EYS: variants seen among roughly 807,000 people sequenced by gnomAD.
EYS encodes the protein protein eyes shut homolog.
Under a neutral mutation model 282.1 loss-of-function variants are expected in EYS, and 250 were observed. The ratio of observed to expected loss-of-function variants is 0.89; its 90% CI spans 0.80 to 0.98. The LOEUF (loss-of-function observed/expected upper bound fraction) is 0.98, where lower values mean the gene tolerates loss of function less well. Among genes scored for constraint, EYS ranks in the 50% least tolerant of loss-of-function variants. The pLI is 0.00. For missense variants in EYS, 4,016 were observed against 3,709.0 expected (o/e 1.08, Z -2.15); for synonymous variants, 1,355 against 1,282.9 (o/e 1.06, Z -1.20).
chr6:63,966,914 T>G (rs145512256), intron 35 of EYS, among the ~76,000 whole-genome samples: 43 of 152,210 alleles, frequency 2.8e-4, no homozygotes, highest in Non-Finnish European at 2.9e-5. Context: ...GGACCCCCAG[T>G]GGATGCTTGA....
At chr6:64,895,002 T>C (rs1181991106) in intron 18 of EYS, among the ~76,000 whole-genome samples, 2 of 152,170 alleles carry the variant, frequency 1.3e-5, no homozygotes, top group East Asian at 3.8e-4. Flanking sequence ...TCATGCCCCT[T>C]TAGACCAATG....
intron 5 of EYS, among the ~76,000 whole-genome samples, chr6:65,417,769 C>T (rs1767296691): frequency 1.3e-5 from 2 of 151,968 alleles, no homozygotes; most frequent in South Asian, 4.1e-4. Context: ...CTATTATAAG[C>T]AAGGTGACTG....
At chr6:64,994,104 G>A (rs1248698403) in intron 14 of EYS, among the ~76,000 whole-genome samples, 1 of 151,756 alleles carries the variant, frequency 6.6e-6, no homozygotes, top group Non-Finnish European at 1.5e-5. Context: ...ACAAGAAATA[G>A]TTATTCTCAA....
At chr6:64,375,012 A>G (rs1772519156) in intron 29 of EYS, among the ~76,000 whole-genome samples, 1 of 152,234 alleles carries the variant, frequency 6.6e-6, no homozygotes, top group Non-Finnish European at 1.5e-5. Context: ...AACTGTGAGG[A>G]AATAAGTTAT....
chr6:64,432,494 G>A (rs927952045), intron 28 of EYS, among the ~76,000 whole-genome samples: 1 of 150,712 alleles, frequency 6.6e-6, no homozygotes, highest in Non-Finnish European at 1.5e-5. Flanking sequence ...GTTATTAAAG[G>A]CAAACTCAAT....
chr6:64,450,253 G>C (rs898020316), intron 26 of EYS, among the ~76,000 whole-genome samples: 19 of 151,966 alleles, frequency 1.3e-4, no homozygotes, highest in African/African-American at 2.7e-4. Flanking sequence ...GATCAAAAGA[G>C]ACAAAGAAGG....
At chr6:64,375,749 T>C (rs976301160) in intron 29 of EYS, among the ~76,000 whole-genome samples, 4 of 152,184 alleles carry the variant, frequency 2.6e-5, no homozygotes, top group African/African-American at 9.6e-5. Context: ...TTTGTATTAA[T>C]AGGTTTTTTA....
intron 13 of EYS, among the ~76,000 whole-genome samples, chr6:65,007,348 C>T (rs1453904652): frequency 1.3e-5 from 2 of 152,112 alleles, no homozygotes; most frequent in African/African-American, 4.8e-5. Flanking sequence ...AGAATTAAGA[C>T]CAATTTGACC....
chr6:65,202,839 G>A (rs1765936828), intron 12 of EYS, among the ~76,000 whole-genome samples: 1 of 152,124 alleles, frequency 6.6e-6, no homozygotes, highest in Non-Finnish European at 1.5e-5. Flanking sequence ...GGGTGTATGA[G>A]TTGGCTCTTC....
chr6:64,919,513 T>C (rs1053508484), intron 15 of EYS, among the ~76,000 whole-genome samples: 26 of 151,648 alleles, frequency 1.7e-4, no homozygotes, highest in Admixed American at 1.4e-3. Flanking sequence ...AAAGGATTTC[T>C]TCTATTTAGG....
chr6:64,372,556 G>A lies in EYS; in HGVS notation c.6078+16134C>T, dbSNP rs149554936. Reference sequence around the variant, plus strand: ...TTGGGGATGGTGTAGTATTTTGCAGGGTTTCTCTGCATTTTGATTTGAATG... The same window carrying A: ...TTGGGGATGGTGTAGTATTTTGCAGAGTTTCTCTGCATTTTGATTTGAATG... On this transcript the variant is annotated intron_variant, in intron 29 of 42. Coordinates refer to ENST00000503581, the MANE Select transcript of EYS (RefSeq NM_001142800.2). Among the ~76,000 whole-genome samples the A allele has an allele frequency of 8.7e-3, 1,315 of 151,916 alleles. 27 individuals are homozygous for A. Among genetic ancestry groups the A allele is most frequent in the African/African-American group, 0.029 (1,205 of 41,418 alleles).
At chr6:65,411,822 T>G (rs1767027041) in intron 5 of EYS, among the ~76,000 whole-genome samples, 1 of 152,064 alleles carries the variant, frequency 6.6e-6, no homozygotes, top group African/African-American at 2.4e-5. Flanking sequence ...CGTCTTTTTT[T>G]TTTTTTCGGT....
At chr6:64,800,029 C>T (rs1292042418) in intron 22 of EYS, among the ~76,000 whole-genome samples, 2 of 151,942 alleles carry the variant, frequency 1.3e-5, no homozygotes, top group African/African-American at 4.8e-5. Context: ...ATATCACTAT[C>T]AGGTTTATAG....
intron 26 of EYS, among the ~76,000 whole-genome samples, chr6:64,440,770 T>C (rs1001917059): frequency 2.6e-5 from 4 of 152,002 alleles, no homozygotes; most frequent in African/African-American, 9.7e-5. Flanking sequence ...GCATAAAATG[T>C]TTTCAAAAAC....
intron 2 of EYS, among the ~76,000 whole-genome samples, chr6:65,595,727 C>T (rs576634455): frequency 3.3e-5 from 5 of 151,604 alleles, no homozygotes; most frequent in African/African-American, 4.8e-5. Flanking sequence ...TCTAGAATTG[C>T]GACATCACTG....
chr6:65,162,897 G>T (rs933351805), intron 12 of EYS, among the ~76,000 whole-genome samples: 1 of 137,752 alleles, frequency 7.3e-6, no homozygotes, highest in African/African-American at 2.7e-5. Flanking sequence ...CTGCAACAAG[G>T]CCTCCTGTTC....
chr6:64,666,876 C>A (rs1466223143), intron 22 of EYS, among the ~76,000 whole-genome samples: 2 of 152,162 alleles, frequency 1.3e-5, no homozygotes, highest in East Asian at 1.9e-4. Flanking sequence ...CATCAGTCGA[C>A]TCCTTTGAGA....
intron 22 of EYS, among the ~76,000 whole-genome samples, chr6:64,723,606 G>A (rs1334274538): frequency 1.3e-5 from 2 of 152,248 alleles, no homozygotes; most frequent in African/African-American, 2.4e-5. Context: ...TGCAGCATCC[G>A]TGATCTATGT....
At chr6:64,128,363 T>G (rs1176704752) in intron 31 of EYS, among the ~76,000 whole-genome samples, 1 of 152,184 alleles carries the variant, frequency 6.6e-6, no homozygotes, top group Non-Finnish European at 1.5e-5. Flanking sequence ...ATGCTTTGAT[T>G]GCTGTGACTT....
Sources: gnomAD v4.1 joint callset for allele counts (sites outside exome capture counted in the v4.1 genomes callset) on GRCh38, gnomAD v4.1.1 for gene constraint, MANE v1.5 for transcripts, NCBI Gene and HGNC (gene_info 2026-07-23, HGNC 2026-07-21) for gene names.